Variants in SCARB1 observed in about 807,000 individuals in gnomAD.
SCARB1 encodes CD36 and LIMPII analogous 1.
Under a neutral mutation model 57.2 loss-of-function variants are expected in SCARB1, and 30 were observed. The ratio of observed to expected loss-of-function variants is 0.52; its 90% CI spans 0.39 to 0.71. The LOEUF is 0.71. Ranked by LOEUF, SCARB1 falls within the 30% of genes least tolerant of loss-of-function variation. The pLI, the probability that SCARB1 is intolerant of heterozygous loss-of-function variation, is 0.00. For missense variants in SCARB1, 543 were observed against 671.2 expected, an observed-to-expected ratio of 0.81 and a Z score of 2.11; for synonymous variants, 249 against 268.3, an observed-to-expected ratio of 0.93 and a Z score of 0.70.
In SCARB1 at chr12:124,778,553, C is replaced by T. The variant is rs1229548595; in HGVS notation, c.*34G>A. ...CTGGGGGGCCGGTCAGGCCCAGCGG[C>T]CAGGCCTGGCTGGCTCACGGTGTCC... On this transcript the variant is annotated 3_prime_UTR_variant, in exon 13 of 13. Coordinates refer to ENST00000261693, the MANE Select transcript of SCARB1 (RefSeq NM_005505.5). 3.2e-5 allele frequency: 45 copies of T among 1,386,248 alleles called. No homozygotes were observed. The highest frequency in any genetic ancestry group is 4.1e-5 in the Non-Finnish European group (44 of 1,068,984). The allele number at this position is 1,386,248 out of a possible 1,614,324, so 85.9% of individuals were successfully genotyped here.
chr12:124,802,933 G>A (rs1950183851), intron 7 of SCARB1, among the ~76,000 whole-genome samples: 1 of 152,176 alleles, frequency 6.6e-6, no homozygotes, highest in African/African-American at 2.4e-5. Context: ...AACGACACGT[G>A]TGCACCACGG....
Position 124,817,836 on chromosome 12 carries a change from G to C in SCARB1, c.127-129C>G. 1 of 984,152 alleles carries C rather than the reference G, an allele frequency of 1.0e-6. No individual in the cohort carries two copies. The highest frequency in any genetic ancestry group is 1.6e-6 in the Non-Finnish European group (1 of 612,514). The allele number at this position is 984,152 out of a possible 1,614,324, so 61.0% of individuals were successfully genotyped here. A position where few individuals can be genotyped will look rare whatever the true frequency, so the allele number is the denominator to read the frequency against. On this transcript the variant is annotated intron_variant, in intron 1 of 12. Coordinates refer to ENST00000261693, the MANE Select transcript of SCARB1 (RefSeq NM_005505.5). The surrounding 1 kb of genome is among the most constrained non-coding windows in gnomAD (Gnocchi z 4.8). ...TCCTCGGCGGGAGCTTGGGATAGGA[G>C]GTGGTGGGAAAGCCCTTCGCACATG...
chr12:124,828,562 C>T (rs1251455822), intron 1 of SCARB1, among the ~76,000 whole-genome samples: 1 of 152,200 alleles, frequency 6.6e-6, no homozygotes, highest in East Asian at 1.9e-4. Flanking sequence ...CGAAACACTT[C>T]CACCTACTTC....
At chr12:124,856,129 C>T (rs964720230) in intron 1 of SCARB1, among the ~76,000 whole-genome samples, 1 of 152,214 alleles carries the variant, frequency 6.6e-6, no homozygotes, top group Non-Finnish European at 1.5e-5. Flanking sequence ...CTGGGCCTGG[C>T]CCCAGAAAGG....
intron 2 of SCARB1, among the ~76,000 whole-genome samples, chr12:124,815,587 C>T (rs571703887): frequency 3.9e-5 from 6 of 152,262 alleles, no homozygotes; most frequent in South Asian, 2.1e-4. Flanking sequence ...GAAATCAGGT[C>T]GGGAGCAGTG....
chr12:124,833,448 A>T (rs1006996857), intron 1 of SCARB1, among the ~76,000 whole-genome samples: 1 of 152,112 alleles, frequency 6.6e-6, no homozygotes, highest in African/African-American at 2.4e-5. Flanking sequence ...TTGGCCTCCC[A>T]AAGTGCTGGG....
chr12:124,859,527 T>G (rs1952794993), intron 1 of SCARB1, among the ~76,000 whole-genome samples: 1 of 39,252 alleles, frequency 2.5e-5, no homozygotes, highest in Admixed American at 3.5e-4. Context: ...CGAGACTCCA[T>G]CTCAAAAAAG....
intron 1 of SCARB1, among the ~76,000 whole-genome samples, chr12:124,848,524 C>T (rs1370393754): frequency 6.6e-6 from 1 of 152,212 alleles, no homozygotes; most frequent in Non-Finnish European, 1.5e-5. Flanking sequence ...TGGAGAAGGA[C>T]GTCCTTGTCC....
intron 1 of SCARB1, among the ~76,000 whole-genome samples, chr12:124,854,827 A>G (rs1398099829): frequency 6.6e-6 from 1 of 152,038 alleles, no homozygotes; most frequent in African/African-American, 2.4e-5. Flanking sequence ...GGCGAGCGTG[A>G]GCTGCCTTTG....
At chr12:124,834,389 G>C (rs1251332979) in intron 1 of SCARB1, among the ~76,000 whole-genome samples, 1 of 152,244 alleles carries the variant, frequency 6.6e-6, no homozygotes, top group African/African-American at 2.4e-5. Flanking sequence ...CCCAAAAGGG[G>C]CCCAACCAAC....
intron 8 of SCARB1, among the ~76,000 whole-genome samples, chr12:124,798,493 G>A (rs1950024204): frequency 6.6e-6 from 1 of 152,144 alleles, no homozygotes; most frequent in Non-Finnish European, 1.5e-5. Flanking sequence ...AAGTAAAATA[G>A]GCCAGGCACA....
intron 1 of SCARB1, among the ~76,000 whole-genome samples, chr12:124,826,293 T>C (rs1481110940): frequency 1.4e-5 from 2 of 142,016 alleles, no homozygotes; most frequent in Non-Finnish European, 3.0e-5. Flanking sequence ...ATCACCCCAC[T>C]GCACTCTAGC....
At chr12:124,839,077 A>G (rs950290360) in intron 1 of SCARB1, among the ~76,000 whole-genome samples, 3 of 152,232 alleles carry the variant, frequency 2.0e-5, no homozygotes, top group Admixed American at 6.5e-5. Context: ...GCCCAGCCCA[A>G]CTTAGCCATT....
In SCARB1 at chr12:124,800,716, C is replaced by T. The variant is rs1162526308; in HGVS notation, c.1010-474G>A. ...CCCCTGCAGGACACGCAGCAATGAT[C>T]GGAGCTCAGGTGTGTGCACCTGTGG... On this transcript the variant is annotated intron_variant, in intron 7 of 12. Transcript: ENST00000261693. This position sits in a 1 kb window ranked among gnomAD's most constrained non-coding sequence, Gnocchi z 4.8. Among the ~76,000 whole-genome samples the T allele has an allele frequency of 2.0e-5, 3 of 152,150 alleles. No individual in the cohort carries two copies. Among genetic ancestry groups the T allele is most frequent in the South Asian group, 2.1e-4 (1 of 4,828 alleles).
chr12:124,848,970 C>G (rs1952279287), intron 1 of SCARB1, among the ~76,000 whole-genome samples: 1 of 152,218 alleles, frequency 6.6e-6, no homozygotes. Flanking sequence ...TTGACACTTG[C>G]CGAGCTGCTA....
intron 1 of SCARB1, among the ~76,000 whole-genome samples, chr12:124,852,104 G>A (rs547112253): frequency 1.3e-5 from 2 of 152,180 alleles, no homozygotes; most frequent in South Asian, 2.1e-4. Flanking sequence ...CAGCCTCCAC[G>A]CTTCCTGTGG....
At position 124,812,666 on chromosome 12, in the gene SCARB1, C is replaced by CA. The variant is rs2135669266; in HGVS notation, c.631-702dup. 6.6e-6 allele frequency among the ~76,000 whole-genome samples: 1 copy of CA among 152,306 alleles called. No homozygotes were observed. Among genetic ancestry groups the CA allele is most frequent in the South Asian group, 2.1e-4 (1 of 4,822 alleles). On this transcript the variant is annotated intron_variant, in intron 4 of 12. Coordinates refer to ENST00000261693, the MANE Select transcript of SCARB1 (RefSeq NM_005505.5). This position sits in a 1 kb window ranked among gnomAD's most constrained non-coding sequence, Gnocchi z 4.3. Reference sequence around the variant, plus strand: ...TCTAATCCCAAAGACATGCAAAGCACAAAGTGGTATGAGTGACTGAAGGAA... The same window carrying CA: ...TCTAATCCCAAAGACATGCAAAGCACAAAAGTGGTATGAGTGACTGAAGGAA...
chr12:124,786,677 G>A (rs944803907), intron 10 of SCARB1, among the ~76,000 whole-genome samples, 174 bp from the exon 11 acceptor site: 1 of 152,248 alleles, frequency 6.6e-6, no homozygotes, highest in Non-Finnish European at 1.5e-5. Flanking sequence ...GACACAAGGT[G>A]AGACTACAAT....
Position 124,861,805 on chromosome 12 carries a change from G to T in SCARB1, c.126+1790C>A, listed in dbSNP as rs1212535585. 5.3e-5 allele frequency among the ~76,000 whole-genome samples: 8 copies of T among 152,292 alleles called. 1 individual carries two copies. In the South Asian group the frequency reaches 1.7e-3, roughly 32 times the overall value. Reference sequence around the variant, plus strand: ...TGCTCCTAGCTCCAGGACAATTGAGGACAATGTGGTTTTCCTCTTTAGAAG... The same window carrying T: ...TGCTCCTAGCTCCAGGACAATTGAGTACAATGTGGTTTTCCTCTTTAGAAG... On this transcript the variant is annotated intron_variant, in intron 1 of 12. Coordinates refer to ENST00000261693, the MANE Select transcript of SCARB1 (RefSeq NM_005505.5).
Sources: allele counts gnomAD v4.1 joint callset (sites outside exome capture counted in the v4.1 genomes callset), GRCh38; gene constraint gnomAD v4.1.1; non-coding constraint Gnocchi (gnomAD v3.1); transcripts MANE v1.5; gene names NCBI Gene and HGNC (gene_info 2026-07-23, HGNC 2026-07-21).